Variants in ZNF701 observed in about 807,000 individuals in gnomAD.
ZNF701 encodes zinc finger protein 701.
A neutral mutation model predicts 7.1 loss-of-function variants in ZNF701; 6 were observed. The observed-to-expected ratio is 0.84, with a 90% CI of 0.46 to 1.66. ZNF701 has a LOEUF of 1.66. ZNF701 is among the 40% of genes most tolerant of loss of function. The pLI, the probability that ZNF701 is intolerant of heterozygous loss-of-function variation, is 0.01. For missense variants in ZNF701, 541 were observed against 559.2 expected (o/e 0.97, Z 0.33); for synonymous variants, 166 against 188.2 (o/e 0.88, Z 0.97).
At chr19:52,578,598 G>T (rs1473530573) in intron 3 of ZNF701, among the ~76,000 whole-genome samples, 6 of 152,200 alleles carry the variant, frequency 3.9e-5, no homozygotes. Flanking sequence ...CGCTAAGCCC[G>T]CAGGGCTGGA....
chr19:52,584,014 G>C lies in ZNF701; in HGVS notation c.*557G>C, dbSNP rs550180737. On this transcript the variant is annotated 3_prime_UTR_variant, in exon 4 of 4. Coordinates refer to ENST00000391785, the MANE Select transcript of ZNF701 (RefSeq NM_018260.3). ...AAGCTTCATCTTTTGCAAAACGGGA[G>C]AATTCATACAGGAGAGAAACCTCAC... is the stretch of plus-strand genomic sequence containing the variant. The C allele has an allele frequency of 9.0e-4, 396 of 440,514 alleles. 1 individual carries two copies. The highest frequency in any genetic ancestry group is 1.5e-3 in the Non-Finnish European group (318 of 216,054). 27.3% of individuals were successfully genotyped at this position (440,514 alleles called of 1,614,324 possible).
intron 1 of ZNF701, among the ~76,000 whole-genome samples, chr19:52,573,549 T>C (rs915167124): frequency 5.3e-5 from 8 of 152,226 alleles, no homozygotes; most frequent in African/African-American, 1.9e-4. Flanking sequence ...AATTTTTGTG[T>C]TTTTAGTACA....
At chr19:52,599,582 G>A in the ZNF701 span, among the ~76,000 whole-genome samples, 1 of 152,178 alleles carries the variant, frequency 6.6e-6, no homozygotes, top group Admixed American at 6.5e-5. Flanking sequence ...AGTTGCTGCA[G>A]CCTATGCACT....
At chr19:52,599,013 T>C in the ZNF701 span, 1 of 151,912 alleles carries the variant, frequency 6.6e-6, no homozygotes, top group South Asian at 2.1e-4. Flanking sequence ...AATTTGTAAA[T>C]TCATTTTCTC....
chr19:52,576,143 T>G (rs1172858236), intron 3 of ZNF701, 122 bp downstream of exon 3: 1 of 1,569,310 alleles, frequency 6.4e-7, no homozygotes. Flanking sequence ...GAGTTAGAAA[T>G]GAAAAGCTTC....
intron 3 of ZNF701, 150 bp downstream of exon 3, chr19:52,576,171 C>A: frequency 1.3e-6 from 2 of 1,511,508 alleles, no homozygotes; most frequent in Non-Finnish European, 1.8e-6. Flanking sequence ...AGCATCTGGA[C>A]TTTCACTGTC....
At chr19:52,594,508 TTTTGTTTTTTG>T in the ZNF701 span, among the ~76,000 whole-genome samples, 1 of 123,678 alleles carries the variant, frequency 8.1e-6, no homozygotes, top group East Asian at 2.4e-4. Context: ...GTTCTGTTTT[TTTTGTTTTTTG>T]TTTTTTGTTT....
At chr19:52,592,336 A>G in the ZNF701 span, 1 of 1,213,840 alleles carries the variant, frequency 8.2e-7, no homozygotes, top group Non-Finnish European at 1.2e-6. Flanking sequence ...CTTTTCATGT[A>G]CATGTCATTG....
At chr19:52,578,628 G>A (rs1242987807) in intron 3 of ZNF701, among the ~76,000 whole-genome samples, 1 of 152,230 alleles carries the variant, frequency 6.6e-6, no homozygotes, top group Admixed American at 6.5e-5. Flanking sequence ...AAAGCGCTGC[G>A]ATTACAGGCG....
the ZNF701 span, chr19:52,597,177 T>C: frequency 3.4e-6 from 2 of 587,846 alleles, no homozygotes; most frequent in Admixed American, 3.8e-5. Flanking sequence ...ACCTTACAAA[T>C]ATCATGACTG....
rs1257645591 is a variant in ZNF701 at position 52,585,860 on chromosome 19, T to C, written c.*2403T>C. On this transcript the variant is annotated 3_prime_UTR_variant, in exon 4 of 4. Coordinates refer to ENST00000391785, the MANE Select transcript of ZNF701 (RefSeq NM_018260.3). ...GCCTTGGCCACTCCTGGGCTCTTTC[T>C]CTTTCCACCTGCGACCTGGTGGAAG... The C allele has an allele frequency of 6.6e-6, 1 of 152,276 alleles. No individual in the cohort carries two copies. The highest frequency in any genetic ancestry group is 1.5e-5 in the Non-Finnish European group (1 of 68,092). 9.4% of individuals were successfully genotyped at this position (152,276 alleles called of 1,614,324 possible). A position where few individuals can be genotyped will look rare whatever the true frequency, so the allele number is the denominator to read the frequency against.
chr19:52,598,395 G>A, the ZNF701 span, among the ~76,000 whole-genome samples: 3 of 152,134 alleles, frequency 2.0e-5, no homozygotes, highest in African/African-American at 4.8e-5. Flanking sequence ...TCCGGCAGGC[G>A]GGGCGAGCTC....
At position 52,585,676 on chromosome 19, in the gene ZNF701, T is replaced by A. The variant is rs989932529; in HGVS notation, c.*2219T>A. ...AAGCGAGCGTCTCCAGGGCCCCATT[T>A]ACAAAGTTTTTGGAGGTTATTTTTT... On this transcript the variant is annotated 3_prime_UTR_variant, in exon 4 of 4. Transcript: ENST00000391785. The A allele has an allele frequency of 7.9e-5, 12 of 151,378 alleles. No individual in the cohort carries two copies. Among genetic ancestry groups the A allele is most frequent in the Admixed American group, 4.6e-4 (7 of 15,182 alleles). 9.4% of individuals were successfully genotyped at this position (151,378 alleles called of 1,614,324 possible). A position where few individuals can be genotyped will look rare whatever the true frequency, so the allele number is the denominator to read the frequency against.
intron 1 of ZNF701, among the ~76,000 whole-genome samples, chr19:52,573,643 G>T (rs962286388): frequency 2.6e-5 from 4 of 152,020 alleles, no homozygotes; most frequent in African/African-American, 9.7e-5. Flanking sequence ...AAGTAGCTGG[G>T]ACCAGAGACA....
At chr19:52,574,905 C>T (rs1478520600) in intron 2 of ZNF701, among the ~76,000 whole-genome samples, 1 of 152,106 alleles carries the variant, frequency 6.6e-6, no homozygotes, top group Non-Finnish European at 1.5e-5. Context: ...CCAAATTATC[C>T]TTTTCCACCA....
chr19:52,574,404 T>C (rs2059920076), intron 2 of ZNF701, among the ~76,000 whole-genome samples: 1 of 151,926 alleles, frequency 6.6e-6, no homozygotes, highest in African/African-American at 2.4e-5. Context: ...CAGACATGTA[T>C]GGAGATGGGG....
the ZNF701 span, among the ~76,000 whole-genome samples, chr19:52,593,694 A>G: frequency 3.9e-5 from 4 of 102,948 alleles, no homozygotes; most frequent in Non-Finnish European, 8.2e-5. Flanking sequence ...GGTGGCTGCC[A>G]GGCAGAGGGT....
intron 1 of ZNF701, among the ~76,000 whole-genome samples, chr19:52,571,622 A>G (rs930692525): frequency 2.6e-5 from 4 of 151,972 alleles, no homozygotes; most frequent in Non-Finnish European, 5.9e-5. Flanking sequence ...GACCTCCCAA[A>G]GTGTTGGAAT....
At chr19:52,571,243 A>G (rs2059896771) in intron 1 of ZNF701, among the ~76,000 whole-genome samples, 1 of 151,250 alleles carries the variant, frequency 6.6e-6, no homozygotes, top group South Asian at 2.1e-4. Flanking sequence ...TGAGAGAGAG[A>G]GAGAGAGAGA....
Sources: allele counts gnomAD v4.1 joint callset (sites outside exome capture counted in the v4.1 genomes callset), GRCh38; gene constraint gnomAD v4.1.1; transcripts MANE v1.5; gene names NCBI Gene and HGNC (gene_info 2026-07-23, HGNC 2026-07-21).